The following PIF1 variants were observed in gnomAD, a reference collection of about 807,000 sequenced individuals.
PIF1 encodes the protein ATP-dependent DNA helicase PIF1.
A neutral mutation model predicts 62.3 loss-of-function variants in PIF1; 67 were observed. The observed-to-expected ratio is 1.08, with a 90% CI of 0.88 to 1.32. PIF1 has a LOEUF of 1.32. Among genes scored for constraint, PIF1 ranks in the 40% most tolerant of loss-of-function variants. The probability of loss-of-function intolerance (pLI) is 0.00; values close to 1 mark genes in which losing one functional copy is unlikely to be tolerated. For missense variants in PIF1, 886 were observed against 866.1 expected, an observed-to-expected ratio of 1.02 and a Z score of -0.29; for synonymous variants, 364 against 379.5, an observed-to-expected ratio of 0.96 and a Z score of 0.47.
chr15:64,817,772 G>T (rs989516709), intron 11 of PIF1, among the ~76,000 whole-genome samples, 174 bp downstream of exon 11: 1 of 151,874 alleles, frequency 6.6e-6, no homozygotes, highest in East Asian at 1.9e-4. Flanking sequence ...TGAGGCAGGA[G>T]AATCTCTTGA....
At chr15:64,820,560 C>A (rs1306623639) in intron 7 of PIF1, among the ~76,000 whole-genome samples, 1 of 152,226 alleles carries the variant, frequency 6.6e-6, no homozygotes, top group Non-Finnish European at 1.5e-5. Context: ...CCACGCCCAG[C>A]TAATTTTTGT....
Position 64,821,515 on chromosome 15 carries a change from C to T in PIF1, c.823G>A (p.Gly275Ser), listed in dbSNP as rs149797757. The T allele has an allele frequency of 6.0e-5, 96 of 1,599,656 alleles. No homozygotes were observed. The African/African-American group carries it at 1.0e-3, about 17-fold the overall frequency. Residue 275 changes from glycine to serine, a missense_variant, in exon 5 of 13, where the codon GGC becomes AGC. Physicochemically the swap from Gly to Ser is moderately conservative, Grantham distance 56. Transcript: ENST00000559239. ...GTTLHAFAGI[G>S]SGQAPLAQCV... Reference sequence around the variant, plus strand: ...TGGGCTAGAGGAGCCTGGCCTGAGCCGATGCCTGTGAGTGACACTATTCAG... The same window carrying T: ...TGGGCTAGAGGAGCCTGGCCTGAGCTGATGCCTGTGAGTGACACTATTCAG...
Position 64,816,011 on chromosome 15 carries a change from C to T in PIF1, c.*287G>A. 1 of 1,490,002 alleles carries T rather than the reference C, an allele frequency of 6.7e-7. No individual in the cohort carries two copies. The highest frequency in any genetic ancestry group is 8.9e-7 in the Non-Finnish European group (1 of 1,119,928). 92.3% of individuals were successfully genotyped at this position (1,490,002 alleles called of 1,614,324 possible). Reference sequence around the variant, plus strand: ...TCCAGCCCTTGCAGAGAGCTTTGTCCTCTGACATCAGCTACCACACAGGCT... The same window carrying T: ...TCCAGCCCTTGCAGAGAGCTTTGTCTTCTGACATCAGCTACCACACAGGCT... On this transcript the variant is annotated 3_prime_UTR_variant, in exon 13 of 13. Transcript: ENST00000559239.
intron 8 of PIF1, among the ~76,000 whole-genome samples, 181 bp from the exon 9 acceptor site, chr15:64,819,404 G>C (rs1204406041): frequency 2.0e-5 from 3 of 152,118 alleles, no homozygotes; most frequent in East Asian, 3.9e-4. Context: ...TCTGCCTCCT[G>C]GGTTCAAGCA....
chr15:64,822,735 G>T, intron 2 of PIF1, 125 bp from the exon 3 acceptor site: 1 of 1,411,876 alleles, frequency 7.1e-7, no homozygotes, highest in Non-Finnish European at 9.5e-7. Context: ...ATTCCATGGA[G>T]CTCTTGGGTT....
intron 11 of PIF1, among the ~76,000 whole-genome samples, chr15:64,817,654 G>A (rs1477588994): frequency 6.6e-6 from 1 of 151,702 alleles, no homozygotes; most frequent in African/African-American, 2.4e-5. Flanking sequence ...ACCAGGTCAG[G>A]AGATTGAGGC....
At chr15:64,826,665 T>TATATATATATATATATACACAC (rs796684934), upstream of PIF1, among the ~76,000 whole-genome samples, 2 of 42,796 alleles carry the variant, frequency 4.7e-5, no homozygotes, top group African/African-American at 9.3e-5. Flanking sequence ...TATATATATA[T>TATATATATATATATATACACAC]ACACACACAC....
intron 8 of PIF1, 131 bp downstream of exon 8, chr15:64,819,716 T>G: frequency 2.4e-6 from 3 of 1,231,364 alleles, no homozygotes; most frequent in Non-Finnish European, 3.4e-6. Context: ...CACAGTTGCA[T>G]TTGCAAATAT....
At chr15:64,817,140 T>C (rs1395198660) in intron 11 of PIF1, among the ~76,000 whole-genome samples, 1 of 152,008 alleles carries the variant, frequency 6.6e-6, no homozygotes, top group Non-Finnish European at 1.5e-5. Context: ...TTGTATACAA[T>C]TTATACAATT....
Position 64,815,641 on chromosome 15 carries a change from A to G in PIF1, c.*657T>C, listed in dbSNP as rs1040145131. ...GAGGCAGGAGGCACAGTTTTTACAC[A>G]ATTCTCTAGTTTATTTGTCCGAAAT... On this transcript the variant is annotated 3_prime_UTR_variant, in exon 13 of 13. Coordinates refer to ENST00000559239, the MANE Select transcript of PIF1 (RefSeq NM_001286496.2). 1 of 1,508,406 alleles carries G rather than the reference A, an allele frequency of 6.6e-7. No homozygotes were observed. The highest frequency in any genetic ancestry group is 1.4e-5 in the African/African-American group (1 of 72,036). 93.4% of individuals were successfully genotyped at this position (1,508,406 alleles called of 1,614,324 possible). A position where few individuals can be genotyped will look rare whatever the true frequency, so the allele number is the denominator to read the frequency against.
At chr15:64,818,630 A>T in intron 9 of PIF1, 2 of 437,414 alleles carry the variant, frequency 4.6e-6, no homozygotes, top group Non-Finnish European at 4.2e-6. Flanking sequence ...TTTGAAAATG[A>T]TTGGCTTGGT....
Position 64,821,170 on chromosome 15 carries a change from GAAGCAGA to G in PIF1, c.1076_1082del (p.Phe359SerfsTer12). The G allele has an allele frequency of 6.2e-7, 1 of 1,614,142 alleles. No homozygotes were observed. Among genetic ancestry groups the G allele is most frequent in the Middle Eastern group, 1.6e-4 (1 of 6,062 alleles). On this transcript the variant is annotated frameshift_variant, in exon 6 of 13. Transcript: ENST00000559239. LOFTEE classifies it high-confidence loss of function. ...AGAGCTAGGAGGTGAGTAATACCTG[GAAGCAGA>G]ACCGTGGGGGCTGGGAGCCCTTGGT...
upstream of PIF1, among the ~76,000 whole-genome samples, chr15:64,826,626 A>ATT (rs2084370569): frequency 2.0e-4 from 3 of 14,790 alleles, no homozygotes; most frequent in African/African-American, 5.6e-4. Flanking sequence ...CAGCTAATTT[A>ATT]TATATATATA....
Position 64,821,174 on chromosome 15 carries a change from C to A in PIF1, c.1079G>T (p.Cys360Phe). The change falls in exon 6 of 13, where the codon TGC becomes TTC. Residue 360 changes from cysteine to phenylalanine, a missense_variant. By Grantham distance (205) the Cys-to-Phe change is radical (BLOSUM62 -2). Transcript: ENST00000559239. ...VTKGSQPPRF[C>F]FQSKSWKRCV... The stretch of plus-strand genomic sequence containing the variant: ...CTAGGAGGTGAGTAATACCTGGAAG[C>A]AGAACCGTGGGGGCTGGGAGCCCTT... 6.2e-7 allele frequency: 1 copy of A among 1,614,182 alleles called. No homozygotes were observed. Among genetic ancestry groups the A allele is most frequent in the Non-Finnish European group, 8.5e-7 (1 of 1,180,038 alleles).
intron 2 of PIF1, among the ~76,000 whole-genome samples, chr15:64,822,936 A>G (rs1226327355): frequency 2.0e-5 from 3 of 151,898 alleles, no homozygotes; most frequent in Admixed American, 1.3e-4. Flanking sequence ...TTCTCTTCCT[A>G]TCACAAACCT....
intron 4 of PIF1, 199 bp downstream of exon 4, chr15:64,822,067 G>T: frequency 1.5e-6 from 1 of 653,936 alleles, no homozygotes; most frequent in Non-Finnish European, 2.5e-6. Flanking sequence ...GTGGAGACAG[G>T]GTTTACTGTG....
At position 64,818,045 on chromosome 15, in the gene PIF1, G is replaced by A. The variant is rs199640928; in HGVS notation, c.1575C>T (p.His525=). The stretch of plus-strand genomic sequence containing the variant: ...TGGCCTGCACCGTCCAGCGGTCAGC[G>A]TGGATGACCTCAGTGACTCCACACA... ...RFLCGVTEVI[H]ADRWTVQATG... Residue 525 remains histidine, a synonymous_variant, in exon 11 of 13, where the codon CAC becomes CAT. Coordinates refer to ENST00000559239, the MANE Select transcript of PIF1 (RefSeq NM_001286496.2). The A allele has an allele frequency of 1.5e-5, 24 of 1,613,770 alleles. No individual in the cohort carries two copies. In the East Asian group the frequency reaches 2.7e-4, roughly 18 times the overall value.
intron 4 of PIF1, chr15:64,821,738 A>G: frequency 1.9e-6 from 1 of 513,986 alleles, no homozygotes; most frequent in South Asian, 2.9e-5. Flanking sequence ...TGCTCAGCTA[A>G]TTTTGTTTTG....
rs903821744 is a variant in PIF1, at chr15:64,815,683, C to T, written c.*615G>A. 2 of 1,543,630 alleles carry T rather than the reference C, an allele frequency of 1.3e-6. No homozygotes were observed. Among genetic ancestry groups the T allele is most frequent in the African/African-American group, 2.7e-5 (2 of 72,782 alleles). ...GTCCGAAATAAATACAACCTGAGAA[C>T]ATCCATTTCAATGTCCCCAAACACT... On this transcript the variant is annotated 3_prime_UTR_variant, in exon 13 of 13. Coordinates refer to ENST00000559239, the MANE Select transcript of PIF1 (RefSeq NM_001286496.2).
Sources: gnomAD v4.1 joint callset for allele counts (sites outside exome capture counted in the v4.1 genomes callset) on GRCh38, gnomAD v4.1.1 for gene constraint, MANE v1.5 for transcripts, NCBI Gene and HGNC (gene_info 2026-07-23, HGNC 2026-07-21) for gene names.